The following FBP1 variants were observed in gnomAD, a reference collection of about 807,000 sequenced individuals.
The protein encoded by FBP1 is fructose-1,6-bisphosphatase 1.
FBP1 carries 22 observed loss-of-function variants against 29.9 expected under a neutral mutation model. That is an observed-to-expected ratio of 0.74 (90% CI 0.53 to 1.05). FBP1 has a LOEUF of 1.05. Among genes scored for constraint, FBP1 ranks in the 50% least tolerant of loss-of-function variants. The probability of loss-of-function intolerance (pLI) is 0.00; values close to 1 mark genes in which losing one functional copy is unlikely to be tolerated. For synonymous variants in FBP1, 175 were observed against 178.6 expected, an observed-to-expected ratio of 0.98 and a Z score of 0.16; for missense variants, 345 against 448.2, an observed-to-expected ratio of 0.77 and a Z score of 2.08.
intron 2 of FBP1, 44 bp from the exon 3 acceptor site, chr9:94,617,904 A>G: frequency 7.0e-7 from 1 of 1,418,948 alleles, no homozygotes; most frequent in Non-Finnish European, 1.0e-6. Flanking sequence ...TGTTATAGCA[A>G]GATACACTAA....
In FBP1 at chr9:94,614,971, C is replaced by A. The variant is rs1054683192; in HGVS notation, c.426+2797G>T. 1.3e-5 allele frequency among the ~76,000 whole-genome samples: 2 copies of A among 152,082 alleles called. 1 individual carries two copies. Among genetic ancestry groups the A allele is most frequent in the Admixed American group, 1.3e-4 (2 of 15,264 alleles). On this transcript the variant is annotated intron_variant, in intron 3 of 6. Transcript: ENST00000375326. ...TCACCCAGGCTGGAGTGCAGTGGTG[C>A]GATCTCGGCTCACTGCAAGCTCCGC...
At chr9:94,626,346 A>G (rs182126197) in intron 1 of FBP1, among the ~76,000 whole-genome samples, 1 of 152,342 alleles carries the variant, frequency 6.6e-6, no homozygotes, top group African/African-American at 2.4e-5. Context: ...GTGGGTCAAG[A>G]GAATAAATTC....
At chr9:94,634,577 A>G (rs565112420) in intron 1 of FBP1, among the ~76,000 whole-genome samples, 2 of 152,216 alleles carry the variant, frequency 1.3e-5, no homozygotes, top group Non-Finnish European at 1.5e-5. Flanking sequence ...AGTGGACAAC[A>G]CTCGAATTTG....
chr9:94,630,301 G>T (rs1193619943), intron 1 of FBP1, among the ~76,000 whole-genome samples: 1 of 152,150 alleles, frequency 6.6e-6, no homozygotes, highest in African/African-American at 2.4e-5. Context: ...ATGCCTGCCT[G>T]CATAACCTCT....
chr9:94,621,398 A>AAAAAAAAAAAAAATAT (rs58726402), intron 1 of FBP1, among the ~76,000 whole-genome samples: 1 of 146,158 alleles, frequency 6.8e-6, no homozygotes, highest in African/African-American at 2.6e-5. Flanking sequence ...TCCGTCTAAA[A>AAAAAAAAAAAAAATAT]ATATATATAT....
intron 1 of FBP1, among the ~76,000 whole-genome samples, chr9:94,634,998 A>C (rs1828169810): frequency 6.7e-6 from 1 of 149,416 alleles, no homozygotes; most frequent in African/African-American, 2.5e-5. Flanking sequence ...TTGAGGCAGG[A>C]GAATCACTTG....
intron 4 of FBP1, among the ~76,000 whole-genome samples, 167 bp from the exon 5 acceptor site, chr9:94,607,119 A>G (rs1183152650): frequency 1.3e-5 from 2 of 152,054 alleles, no homozygotes; most frequent in African/African-American, 2.4e-5. Flanking sequence ...GGAACTGTGA[A>G]TGGGGTGAGG....
intron 1 of FBP1, among the ~76,000 whole-genome samples, chr9:94,629,779 G>A (rs544875042): frequency 3.9e-5 from 6 of 152,196 alleles, no homozygotes; most frequent in Admixed American, 3.9e-4. Flanking sequence ...TCTTCTAAGA[G>A]CCACTGGGAG....
intron 3 of FBP1, among the ~76,000 whole-genome samples, chr9:94,614,503 G>A (rs1045357354): frequency 3.9e-5 from 6 of 152,172 alleles, no homozygotes; most frequent in Non-Finnish European, 8.8e-5. Context: ...TGGCGCCACT[G>A]CACTCCAGCC....
intron 1 of FBP1, among the ~76,000 whole-genome samples, chr9:94,627,279 C>T (rs981636690): frequency 2.6e-5 from 4 of 151,710 alleles, no homozygotes; most frequent in East Asian, 1.9e-4. Context: ...CACCTGAACC[C>T]GGGAGGCGGA....
At chr9:94,633,033 T>A (rs1168799503) in intron 1 of FBP1, among the ~76,000 whole-genome samples, 1 of 152,210 alleles carries the variant, frequency 6.6e-6, no homozygotes, top group Admixed American at 6.5e-5. Context: ...CCCTCTAACA[T>A]CTCAAGTTCA....
chr9:94,610,436 A>C (rs1827767984), intron 3 of FBP1, among the ~76,000 whole-genome samples: 1 of 152,216 alleles, frequency 6.6e-6, no homozygotes, highest in African/African-American at 2.4e-5. Flanking sequence ...TATTTAAATA[A>C]ATTAACACTG....
chr9:94,628,869 T>C (rs930022852), intron 1 of FBP1, among the ~76,000 whole-genome samples: 1 of 152,252 alleles, frequency 6.6e-6, no homozygotes, highest in Non-Finnish European at 1.5e-5. Context: ...CTAATCATGA[T>C]TCACACTATA....
At chr9:94,626,281 G>T (rs532064132) in intron 1 of FBP1, among the ~76,000 whole-genome samples, 2 of 152,298 alleles carry the variant, frequency 1.3e-5, no homozygotes, top group African/African-American at 4.8e-5. Flanking sequence ...GGTTAATCCT[G>T]GCGTTAGGAA....
chr9:94,615,211 C>T (rs1234839447), intron 3 of FBP1, among the ~76,000 whole-genome samples: 2 of 152,066 alleles, frequency 1.3e-5, no homozygotes, highest in Non-Finnish European at 2.9e-5. Context: ...CCAGGCCCCA[C>T]TTTCTGTCTT....
chr9:94,621,197 G>A (rs546500580), intron 1 of FBP1, among the ~76,000 whole-genome samples: 1 of 115,022 alleles, frequency 8.7e-6, no homozygotes, highest in Non-Finnish European at 1.6e-5. Flanking sequence ...CTGGGCGACA[G>A]AGCGAGACTC....
At position 94,603,451 on chromosome 9, in the gene FBP1, G is replaced by A. The variant is rs770871660; in HGVS notation, c.947C>T (p.Pro316Leu). 32 of 1,613,914 alleles carry A rather than the reference G, an allele frequency of 2.0e-5. No individual in the cohort carries two copies. The highest frequency in any genetic ancestry group is 3.3e-4 in the Middle Eastern group (2 of 6,084). ...GTCGTCGGGGGATCCCAAGATCACC[G>A]GCGCCCTCTGGTGAATGTCTGTGGG... ...VIPTDIHQRA[P>L]VILGSPDDVL... Residue 316 changes from proline to leucine, a missense_variant, in exon 7 of 7, where the codon CCG becomes CTG. Physicochemically the swap from Pro to Leu is moderately conservative, Grantham distance 98. Coordinates refer to ENST00000375326, the MANE Select transcript of FBP1 (RefSeq NM_000507.4).
chr9:94,636,777 C>T (rs1474308071), intron 1 of FBP1, among the ~76,000 whole-genome samples: 2 of 152,034 alleles, frequency 1.3e-5, no homozygotes, highest in Non-Finnish European at 2.9e-5. Context: ...CAACCTCCGC[C>T]TCCCGGGTTC....
chr9:94,621,967 G>T (rs2131491500), intron 1 of FBP1, among the ~76,000 whole-genome samples: 1 of 152,274 alleles, frequency 6.6e-6, no homozygotes, highest in South Asian at 2.1e-4. Flanking sequence ...CACACAGGCA[G>T]AGGGTAGAAG....
Sources: allele counts gnomAD v4.1 joint callset (sites outside exome capture counted in the v4.1 genomes callset), GRCh38; gene constraint gnomAD v4.1.1; transcripts MANE v1.5; gene names NCBI Gene and HGNC (gene_info 2026-07-23, HGNC 2026-07-21).